The following ZNF599 variants were observed in gnomAD, a reference collection of about 807,000 sequenced individuals.
The protein encoded by ZNF599 is zinc finger protein 599.
ZNF599 carries 10 observed loss-of-function variants against 11.7 expected under a neutral mutation model. The ratio of observed to expected loss-of-function variants is 0.86; its 90% CI spans 0.53 to 1.45. ZNF599 has a LOEUF of 1.45. ZNF599 is among the 40% of genes most tolerant of loss of function. The pLI is 0.00. For missense variants in ZNF599, 688 were observed against 713.6 expected (o/e 0.96, Z 0.41); for synonymous variants, 232 against 253.2 (o/e 0.92, Z 0.79).
chr19:34,771,812 A>T (rs2069185723), intron 1 of ZNF599, among the ~76,000 whole-genome samples: 1 of 152,182 alleles, frequency 6.6e-6, no homozygotes, highest in Non-Finnish European at 1.5e-5. Flanking sequence ...GGGCCTGGGG[A>T]TGAAAAACAG....
the ZNF599 span, among the ~76,000 whole-genome samples, chr19:34,789,549 CAG>C: frequency 6.6e-6 from 1 of 152,176 alleles, no homozygotes; most frequent in Admixed American, 6.6e-5. Context: ...GCCATTCTAA[CAG>C]AGGTGAGGTG....
chr19:34,787,552 C>T, the ZNF599 span, among the ~76,000 whole-genome samples: 15 of 152,292 alleles, frequency 9.8e-5, no homozygotes, highest in African/African-American at 2.6e-4. Flanking sequence ...CAGCTAATTG[C>T]CCTCTGGCCA....
chr19:34,779,316 G>T, the ZNF599 span: 1 of 205,320 alleles, frequency 4.9e-6, no homozygotes, highest in African/African-American at 2.8e-5. Flanking sequence ...GTCCAGGCTG[G>T]TCTCAAACTT....
the ZNF599 span, among the ~76,000 whole-genome samples, chr19:34,779,243 C>CTTTTTTTTTT: frequency 3.5e-5 from 2 of 57,310 alleles, no homozygotes; most frequent in Non-Finnish European, 6.2e-5. Context: ...CCATGCCCAG[C>CTTTTTTTTTT]TTTTTTTTTT....
Position 34,758,941 on chromosome 19 carries a change from T to G in ZNF599, c.*93A>C. ...CTAAGACATCTCTCTGGCCAAAATA[T>G]TTCCCTCAATAGTTATACTCAAAAG... On this transcript the variant is annotated 3_prime_UTR_variant, in exon 4 of 4. Transcript: ENST00000329285. 1 of 1,337,006 alleles carries G rather than the reference T, an allele frequency of 7.5e-7. No individual in the cohort carries two copies. The highest frequency in any genetic ancestry group is 2.3e-5 in the East Asian group (1 of 43,068). 82.8% of individuals were successfully genotyped at this position (1,337,006 alleles called of 1,614,324 possible). A position where few individuals can be genotyped will look rare whatever the true frequency, so the allele number is the denominator to read the frequency against.
chr19:34,769,075 C>A (rs961721731), intron 2 of ZNF599, among the ~76,000 whole-genome samples: 1 of 152,182 alleles, frequency 6.6e-6, no homozygotes, highest in African/African-American at 2.4e-5. Context: ...GTCAATCACC[C>A]GCTGCTTGTA....
In ZNF599 at chr19:34,759,417, G is replaced by A; in HGVS notation, c.1384C>T (p.His462Tyr). The change falls in exon 4 of 4, where the codon CAC becomes TAC. Residue 462 changes from histidine to tyrosine, a missense_variant. Coordinates refer to ENST00000329285, the MANE Select transcript of ZNF599 (RefSeq NM_001007248.3). ...TTATGTCGAATAAAAACAGAGTGGT[G>A]TGTAAAAGCCTTTCCACATTCACTG... is the stretch of plus-strand genomic sequence containing the variant. ...ECSECGKAFT[H>Y]HSVFIRHNRT... is the part of the protein sequence containing the mutation. 1.2e-6 allele frequency: 2 copies of A among 1,614,134 alleles called. No individual in the cohort carries two copies. Among genetic ancestry groups the A allele is most frequent in the Non-Finnish European group, 1.7e-6 (2 of 1,179,978 alleles).
chr19:34,771,225 T>A (rs1329830625), intron 1 of ZNF599, among the ~76,000 whole-genome samples: 1 of 152,176 alleles, frequency 6.6e-6, no homozygotes, highest in Non-Finnish European at 1.5e-5. Flanking sequence ...CACTCCAGTG[T>A]GAGCAACAGA....
At chr19:34,768,624 C>T (rs1360082858) in intron 2 of ZNF599, among the ~76,000 whole-genome samples, 5 of 152,194 alleles carry the variant, frequency 3.3e-5, no homozygotes, top group African/African-American at 7.2e-5. Context: ...GCACTTTACA[C>T]ATATTAGTTA....
At chr19:34,772,472 C>T (rs1158288002) in intron 1 of ZNF599, 39 of 1,158,340 alleles carry the variant, frequency 3.4e-5, no homozygotes, top group African/African-American at 4.9e-5. Context: ...GCTCTCCGAG[C>T]AGTGAAAGAC....
the ZNF599 span, among the ~76,000 whole-genome samples, chr19:34,789,700 T>A: frequency 1.5e-4 from 23 of 152,310 alleles, no homozygotes; most frequent in African/African-American, 5.3e-4. Context: ...TTTAATTGAG[T>A]TATTTGTTTT....
In ZNF599 at chr19:34,758,771, T is replaced by G. The variant is rs2069087488; in HGVS notation, c.*263A>C. 1 of 346,958 alleles carries G rather than the reference T, an allele frequency of 2.9e-6. No individual in the cohort carries two copies. Among genetic ancestry groups the G allele is most frequent in the Non-Finnish European group, 5.2e-6 (1 of 192,028 alleles). 21.5% of individuals were successfully genotyped at this position (346,958 alleles called of 1,614,324 possible). On this transcript the variant is annotated 3_prime_UTR_variant, in exon 4 of 4. Coordinates refer to ENST00000329285, the MANE Select transcript of ZNF599 (RefSeq NM_001007248.3). ...CTAAATGCATGTTAACCACCAGGTC[T>G]CTCCCCTCGATTATTCTCAGGTACA...
chr19:34,788,847 T>C, the ZNF599 span, among the ~76,000 whole-genome samples: 1 of 152,360 alleles, frequency 6.6e-6, no homozygotes, highest in Admixed American at 6.5e-5. Flanking sequence ...AAATTGTATA[T>C]ATTTGCCATG....
intron 3 of ZNF599, chr19:34,764,467 C>T (rs886998417): frequency 2.6e-5 from 4 of 152,144 alleles, no homozygotes; most frequent in Admixed American, 2.6e-4. Context: ...ACAAAAAATA[C>T]AATCAAGAAT....
At chr19:34,787,219 T>TATC in the ZNF599 span, among the ~76,000 whole-genome samples, 1,454 of 148,640 alleles carry the variant, frequency 9.8e-3, 13 homozygotes, top group East Asian at 0.028. Context: ...CGGCTATTTT[T>TATC]ATCATCATCA....
chr19:34,800,314 C>T, the ZNF599 span, among the ~76,000 whole-genome samples: 2 of 152,148 alleles, frequency 1.3e-5, no homozygotes, highest in Non-Finnish European at 2.9e-5. Context: ...GTTACTCCTG[C>T]TTTATTTTGA....
At chr19:34,767,289 C>T (rs1201169324) in intron 3 of ZNF599, 27 bp downstream of exon 3, 7 of 1,592,194 alleles carry the variant, frequency 4.4e-6, no homozygotes, top group African/African-American at 1.3e-5. Context: ...TGCCCTGATA[C>T]CCGCTGCCAG....
the ZNF599 span, among the ~76,000 whole-genome samples, chr19:34,805,447 C>T: frequency 2.6e-5 from 4 of 152,116 alleles, no homozygotes; most frequent in South Asian, 2.1e-4. Context: ...CCACCCGCCT[C>T]GGCCTCCCAA....
At position 34,760,009 on chromosome 19, in the gene ZNF599, G is replaced by A; in HGVS notation, c.792C>T (p.Phe264=). The A allele has an allele frequency of 1.2e-6, 2 of 1,614,098 alleles. No homozygotes were observed. The highest frequency in any genetic ancestry group is 2.2e-5 in the South Asian group (2 of 91,070). ...PYKCIECGKA[F]KRRFHLTEHQ... ...GCTCCGTGAGGTGAAACCTGCGTTTGAAGGCTTTCCCACACTCAATACACT... is the reference window on the plus strand; with the variant it reads ...GCTCCGTGAGGTGAAACCTGCGTTTAAAGGCTTTCCCACACTCAATACACT... Residue 264 remains phenylalanine, a synonymous_variant, in exon 4 of 4, where the codon TTC becomes TTT. Transcript: ENST00000329285.
Sources: gnomAD v4.1 joint callset for allele counts (sites outside exome capture counted in the v4.1 genomes callset) on GRCh38, gnomAD v4.1.1 for gene constraint, MANE v1.5 for transcripts, NCBI Gene and HGNC (gene_info 2026-07-23, HGNC 2026-07-21) for gene names.